Variants in UBE2W observed in about 807,000 individuals in gnomAD.
UBE2W encodes ubiquitin conjugating enzyme E2 W.
UBE2W carries 18 observed loss-of-function variants against 27.2 expected under a neutral mutation model. The ratio of observed to expected loss-of-function variants is 0.66; its 90% CI spans 0.46 to 0.98. UBE2W has a LOEUF of 0.98. UBE2W is among the 50% of genes least tolerant of loss of function. The pLI, the probability that UBE2W is intolerant of heterozygous loss-of-function variation, is 0.00. For synonymous variants in UBE2W, 53 were observed against 57.2 expected (o/e 0.93, Z 0.33); for missense variants, 90 against 180.2 (o/e 0.50, Z 2.87).
rs201708564 is a variant in UBE2W at position 73,870,790 on chromosome 8, TA to T, written c.15+8017del. On this transcript the variant is annotated intron_variant, in intron 1 of 5. Coordinates refer to ENST00000602593, the MANE Select transcript of UBE2W (RefSeq NM_018299.6). ...ATTGGGTAGTCAGGAAGGGCTCTCT[TA>T]AAAAAAAAATATTTGAACAAAGCTA... Among the ~76,000 whole-genome samples, 450 of 112,106 alleles carry T rather than the reference TA, an allele frequency of 4.0e-3. 3 individuals carry two copies. Among genetic ancestry groups the T allele is most frequent in the African/African-American group, 0.014 (382 of 28,088 alleles). 73.5% of individuals were successfully genotyped at this position (112,106 alleles called of 152,430 possible).
intron 4 of UBE2W, among the ~76,000 whole-genome samples, chr8:73,781,049 C>T (rs750498096): frequency 2.0e-5 from 3 of 151,548 alleles, no homozygotes; most frequent in African/African-American, 4.8e-5. Flanking sequence ...GCAGTTGGAT[C>T]TCTTGAGGTC....
intron 1 of UBE2W, among the ~76,000 whole-genome samples, chr8:73,848,805 T>G (rs118003707): frequency 0.015 from 2,259 of 152,328 alleles, 28 homozygotes; most frequent in Non-Finnish European, 0.02. Flanking sequence ...TTTTATTTTT[T>G]CATGTATGGT....
At chr8:73,844,212 T>C (rs1810668327) in intron 1 of UBE2W, among the ~76,000 whole-genome samples, 2 of 116,318 alleles carry the variant, frequency 1.7e-5, no homozygotes, top group South Asian at 5.8e-4. Context: ...AAGGCTGGAC[T>C]GTACTGCCGC....
chr8:73,856,344 T>C (rs1811296984), intron 1 of UBE2W, among the ~76,000 whole-genome samples: 1 of 149,750 alleles, frequency 6.7e-6, no homozygotes, highest in South Asian at 2.1e-4. Flanking sequence ...AGACAAATTA[T>C]ATACACTTAT....
chr8:73,813,750 GTTTT>G (rs11349382), intron 3 of UBE2W, among the ~76,000 whole-genome samples: 1 of 147,262 alleles, frequency 6.8e-6, no homozygotes, highest in African/African-American at 2.5e-5. Flanking sequence ...TCCACAGATG[GTTTT>G]TTTTTTTTCT....
At chr8:73,854,018 G>A (rs780508953) in intron 1 of UBE2W, among the ~76,000 whole-genome samples, 2 of 152,038 alleles carry the variant, frequency 1.3e-5, no homozygotes, top group Non-Finnish European at 2.9e-5. Context: ...GCGTGGTGGT[G>A]CACGCTTGTA....
At chr8:73,844,283 G>A (rs1563612734) in intron 1 of UBE2W, among the ~76,000 whole-genome samples, 1 of 152,094 alleles carries the variant, frequency 6.6e-6, no homozygotes, top group African/African-American at 2.4e-5. Flanking sequence ...CAGTGCCTGG[G>A]ATTGCAGGCG....
intron 3 of UBE2W, among the ~76,000 whole-genome samples, chr8:73,815,781 T>C (rs1445250039): frequency 6.6e-6 from 1 of 152,142 alleles, no homozygotes; most frequent in Non-Finnish European, 1.5e-5. Flanking sequence ...AAAAACAGAA[T>C]ATAATTATAA....
intron 1 of UBE2W, among the ~76,000 whole-genome samples, chr8:73,842,587 A>T (rs1479166116): frequency 2.0e-5 from 3 of 151,450 alleles, no homozygotes; most frequent in Non-Finnish European, 4.4e-5. Flanking sequence ...CTGACAAAAA[A>T]AATAATAAAG....
intron 1 of UBE2W, among the ~76,000 whole-genome samples, chr8:73,878,152 T>G (rs1292317005): frequency 2.0e-5 from 3 of 152,054 alleles, no homozygotes; most frequent in Admixed American, 6.5e-5. Flanking sequence ...ACGGGGCAGC[T>G]TCGAGAGGAA....
chr8:73,781,465 C>T (rs1807841547), downstream of UBE2W, among the ~76,000 whole-genome samples: 1 of 151,876 alleles, frequency 6.6e-6, no homozygotes, highest in Non-Finnish European at 1.5e-5. Context: ...GCAAACACAT[C>T]TCCTTTTCTC....
chr8:73,866,693 T>G (rs1328232219), intron 1 of UBE2W, among the ~76,000 whole-genome samples: 1 of 152,018 alleles, frequency 6.6e-6, no homozygotes, highest in Non-Finnish European at 1.5e-5. Flanking sequence ...AAACATAAAT[T>G]TTGCCAAAAT....
At chr8:73,805,479 A>AAAAAAACAAACAAACAAAAAAAAAAC (rs1214080479) in intron 5 of UBE2W, among the ~76,000 whole-genome samples, 172 bp downstream of exon 5, 1 of 146,480 alleles carries the variant, frequency 6.8e-6, no homozygotes, top group Non-Finnish European at 1.5e-5. Flanking sequence ...AAACAAAAAA[A>AAAAAAACAAACAAACAAAAAAAAAAC]ACTAGGGTAA....
intron 1 of UBE2W, among the ~76,000 whole-genome samples, chr8:73,844,332 G>A (rs559525829): frequency 1.6e-4 from 24 of 152,292 alleles, no homozygotes; most frequent in Admixed American, 3.9e-4. Context: ...ATCTTTTGGT[G>A]GAGACAGGGT....
At chr8:73,837,276 GC>G (rs1455223506) in intron 1 of UBE2W, among the ~76,000 whole-genome samples, 1 of 152,238 alleles carries the variant, frequency 6.6e-6, no homozygotes, top group Non-Finnish European at 1.5e-5. Context: ...ACTCTGGGAG[GC>G]CGAGGCAGGT....
chr8:73,821,277 AC>A (rs1318123749), intron 3 of UBE2W, among the ~76,000 whole-genome samples: 2 of 152,030 alleles, frequency 1.3e-5, no homozygotes, highest in African/African-American at 4.8e-5. Flanking sequence ...ACCTCCCCTA[AC>A]CACTTCATTA....
intron 1 of UBE2W, among the ~76,000 whole-genome samples, chr8:73,875,499 C>T (rs7846586): frequency 0.58 from 87,741 of 152,030 alleles, 26,986 homozygotes; most frequent in African/African-American, 0.82. Context: ...TTACTCATTA[C>T]CAAGTAATGA....
Position 73,846,650 on chromosome 8 carries a change from T to C in UBE2W, c.16-16178A>G, listed in dbSNP as rs144111554. Among the ~76,000 whole-genome samples, 845 of 152,314 alleles carry C rather than the reference T, an allele frequency of 5.5e-3. 15 individuals carry two copies. Among genetic ancestry groups the C allele is most frequent in the East Asian group, 0.039 (200 of 5,192 alleles). On this transcript the variant is annotated intron_variant, in intron 1 of 5. Transcript: ENST00000602593. Reference sequence around the variant, plus strand: ...AAATTTTTGGTTTTTAGATCTTTTTTAAATTTTGGATGGGATAAGAATATG... The same window carrying C: ...AAATTTTTGGTTTTTAGATCTTTTTCAAATTTTGGATGGGATAAGAATATG...
intron 1 of UBE2W, among the ~76,000 whole-genome samples, chr8:73,842,740 G>A (rs915998859): frequency 3.3e-5 from 5 of 152,028 alleles, no homozygotes; most frequent in Non-Finnish European, 5.9e-5. Context: ...CTTGGAAATG[G>A]CAGTGGAGAA....
Sources: allele counts gnomAD v4.1 joint callset (sites outside exome capture counted in the v4.1 genomes callset), GRCh38; gene constraint gnomAD v4.1.1; transcripts MANE v1.5; gene names NCBI Gene and HGNC (gene_info 2026-07-23, HGNC 2026-07-21).